DUSP22: variants seen among roughly 807,000 people sequenced by gnomAD.
The protein encoded by DUSP22 is dual specificity phosphatase 22.
DUSP22 carries 24 observed loss-of-function variants against 24.5 expected under a neutral mutation model. The ratio of observed to expected loss-of-function variants is 0.98; its 90% CI spans 0.71 to 1.38. DUSP22 has a LOEUF of 1.38. DUSP22 is among the 40% of genes most tolerant of loss of function. DUSP22 has a pLI of 0.00. For synonymous variants in DUSP22, 160 were observed against 106.4 expected, an observed-to-expected ratio of 1.50 and a Z score of -3.10; for missense variants, 330 against 269.2, an observed-to-expected ratio of 1.23 and a Z score of -1.58.
chr6:306,394 T>G (rs1468071502), intron 2 of DUSP22, among the ~76,000 whole-genome samples: 2 of 152,310 alleles, frequency 1.3e-5, no homozygotes, highest in African/African-American at 4.8e-5. Flanking sequence ...AAAACTCTTT[T>G]CACACTACAA....
chr6:299,916 TC>T, intron 1 of DUSP22, among the ~76,000 whole-genome samples: 1 of 152,306 alleles, frequency 6.6e-6, no homozygotes, highest in Admixed American at 6.5e-5. Context: ...TTTTTCTCTC[TC>T]CTTTCCTCTC....
In DUSP22 at chr6:311,969, G is replaced by C. The variant is rs761768594; in HGVS notation, c.138+7G>C. 55 of 1,609,884 alleles carry C rather than the reference G, an allele frequency of 3.4e-5. No homozygotes were observed. The highest frequency in any genetic ancestry group is 1.6e-4 in the Middle Eastern group (1 of 6,062). On this transcript the variant is annotated splice_region_variant and intron_variant, in intron 3 of 6. Coordinates refer to ENST00000419235, the MANE Select transcript of DUSP22 (RefSeq NM_001286555.3). ...TGCCAGGCCTATGTTGGAGGTAAGA[G>C]AGCACCGTGGGGCGTGTGTGGGTGT...
chr6:312,791 C>T (rs756709366), intron 3 of DUSP22, among the ~76,000 whole-genome samples: 2 of 152,300 alleles, frequency 1.3e-5, no homozygotes, highest in Non-Finnish European at 2.9e-5. Flanking sequence ...TTTTCTTTAG[C>T]CATTAGGGCT....
chr6:299,933 G>T (rs563166622), intron 1 of DUSP22, among the ~76,000 whole-genome samples: 1 of 152,422 alleles, frequency 6.6e-6, no homozygotes, highest in East Asian at 1.9e-4. Flanking sequence ...CTCTCACCCT[G>T]TTCACATTGT....
chr6:339,967 C>G (rs933071856), intron 4 of DUSP22, among the ~76,000 whole-genome samples: 1 of 152,302 alleles, frequency 6.6e-6, no homozygotes, highest in Non-Finnish European at 1.5e-5. Flanking sequence ...TTCTCCTGCT[C>G]AAGGAGAAAA....
At chr6:306,252 A>G (rs1757809808) in intron 2 of DUSP22, among the ~76,000 whole-genome samples, 2 of 152,310 alleles carry the variant, frequency 1.3e-5, no homozygotes. Context: ...GAATTGCTAG[A>G]TGAAAGGTTT....
At chr6:335,693 G>A (rs1435747959) in intron 4 of DUSP22, among the ~76,000 whole-genome samples, 2 of 152,306 alleles carry the variant, frequency 1.3e-5, no homozygotes, top group Non-Finnish European at 2.9e-5. Context: ...GCAAGTTTAT[G>A]TCCTTCTTTC....
intron 3 of DUSP22, among the ~76,000 whole-genome samples, chr6:315,097 G>A (rs528391321): frequency 3.9e-5 from 6 of 152,418 alleles, no homozygotes; most frequent in East Asian, 1.9e-4. Flanking sequence ...GGACCATGAT[G>A]GGTGAGGTGG....
intron 4 of DUSP22, among the ~76,000 whole-genome samples, chr6:339,143 AG>A (rs1461183785): frequency 6.6e-6 from 1 of 152,306 alleles, no homozygotes; most frequent in Non-Finnish European, 1.5e-5. Flanking sequence ...TCATGATTAG[AG>A]GCGTCCTAGA....
intron 2 of DUSP22, 117 bp from the exon 3 acceptor site, chr6:311,763 G>A (rs1427075175): frequency 8.7e-7 from 1 of 1,148,938 alleles, no homozygotes; most frequent in Admixed American, 2.8e-5. Flanking sequence ...CAGTTATGAA[G>A]TTTCAGGAAA....
At chr6:321,560 G>A (rs1758589515) in intron 3 of DUSP22, among the ~76,000 whole-genome samples, 1 of 152,296 alleles carries the variant, frequency 6.6e-6, no homozygotes, top group South Asian at 2.1e-4. Context: ...GATTTGATCT[G>A]AAAATCTTCC....
intron 3 of DUSP22, among the ~76,000 whole-genome samples, chr6:328,997 GAA>G (rs1759015854): frequency 6.6e-6 from 1 of 152,306 alleles, no homozygotes; most frequent in Non-Finnish European, 1.5e-5. Context: ...TGGGCTATGT[GAA>G]AGTCATACCT....
At chr6:340,647 A>G (rs1405318777) in intron 4 of DUSP22, among the ~76,000 whole-genome samples, 2 of 152,294 alleles carry the variant, frequency 1.3e-5, no homozygotes, top group Non-Finnish European at 2.9e-5. Context: ...TTGCACATAC[A>G]CTTTTGTATC....
chr6:347,275 A>G (rs1256811229), intron 5 of DUSP22, among the ~76,000 whole-genome samples: 2 of 152,300 alleles, frequency 1.3e-5, no homozygotes, highest in African/African-American at 4.8e-5. Flanking sequence ...GGGTTTTAAA[A>G]TTATTGTTTA....
At chr6:302,335 G>T (rs1279115835) in intron 1 of DUSP22, among the ~76,000 whole-genome samples, 1 of 152,306 alleles carries the variant, frequency 6.6e-6, no homozygotes, top group Non-Finnish European at 1.5e-5. Flanking sequence ...AGTGGCCACA[G>T]TGTCTGCTGT....
At chr6:294,177 C>A (rs1358415051) in intron 1 of DUSP22, among the ~76,000 whole-genome samples, 2 of 152,394 alleles carry the variant, frequency 1.3e-5, no homozygotes, top group East Asian at 3.8e-4. Context: ...CAGTAATATT[C>A]ATATACTTTT....
chr6:310,203 G>A (rs1387910942), intron 2 of DUSP22, among the ~76,000 whole-genome samples: 1 of 152,302 alleles, frequency 6.6e-6, no homozygotes, highest in Non-Finnish European at 1.5e-5. Flanking sequence ...TCAGGTGATT[G>A]GCCCGTCGCG....
intron 2 of DUSP22, among the ~76,000 whole-genome samples, chr6:308,945 G>T (rs535152497): frequency 6.6e-6 from 1 of 152,418 alleles, no homozygotes; most frequent in South Asian, 2.1e-4. Context: ...CTGGGTCCTC[G>T]CCCCACCTCC....
At chr6:328,423 A>C (rs1255831117) in intron 3 of DUSP22, among the ~76,000 whole-genome samples, 1 of 152,302 alleles carries the variant, frequency 6.6e-6, no homozygotes, top group East Asian at 1.9e-4. Flanking sequence ...GAACAAAAAT[A>C]AGCTTTTGAG....
Sources: gnomAD v4.1 joint callset for allele counts (sites outside exome capture counted in the v4.1 genomes callset) on GRCh38, gnomAD v4.1.1 for gene constraint, MANE v1.5 for transcripts, NCBI Gene and HGNC (gene_info 2026-07-23, HGNC 2026-07-21) for gene names.